The following CHODL variants were observed in gnomAD, a reference collection of about 807,000 sequenced individuals.
CHODL encodes the protein chondrolectin, also known as transmembrane protein MT75.
A neutral mutation model predicts 34.5 loss-of-function variants in CHODL; 29 were observed. That is an observed-to-expected ratio of 0.84 (90% CI 0.63 to 1.15). The LOEUF (loss-of-function observed/expected upper bound fraction) is 1.15, where lower values mean the gene tolerates loss of function less well. CHODL is among the 50% of genes most tolerant of loss of function. The pLI, the probability that CHODL is intolerant of heterozygous loss-of-function variation, is 0.00. For synonymous variants in CHODL, 125 were observed against 116.1 expected, an observed-to-expected ratio of 1.08 and a Z score of -0.49; for missense variants, 332 against 332.5, an observed-to-expected ratio of 1.00 and a Z score of 0.01.
At chr21:18,127,415 T>C (rs1444736328) in intron 2 of CHODL, among the ~76,000 whole-genome samples, 1 of 152,136 alleles carries the variant, frequency 6.6e-6, no homozygotes, top group Non-Finnish European at 1.5e-5. Flanking sequence ...ATGTGTGAGA[T>C]GAGCCTGGAT....
At chr21:17,946,820 G>T (rs2063413538) in intron 1 of CHODL, among the ~76,000 whole-genome samples, 1 of 152,082 alleles carries the variant, frequency 6.6e-6, no homozygotes, top group Non-Finnish European at 1.5e-5. Context: ...CTTATACGCA[G>T]TATATAGTTG....
chr21:17,928,294 AC>A (rs2146316747), intron 1 of CHODL, among the ~76,000 whole-genome samples: 1 of 152,318 alleles, frequency 6.6e-6, no homozygotes, highest in South Asian at 2.1e-4. Flanking sequence ...ACACATGAAA[AC>A]ATCACTAAAG....
chr21:18,042,274 C>G (rs924713764), intron 2 of CHODL, among the ~76,000 whole-genome samples: 1 of 151,728 alleles, frequency 6.6e-6, no homozygotes, highest in African/African-American at 2.4e-5. Context: ...GATGAATGGA[C>G]CCCCTTCTCC....
intron 2 of CHODL, among the ~76,000 whole-genome samples, chr21:18,232,629 G>T (rs144368720): frequency 2.6e-5 from 4 of 152,108 alleles, no homozygotes; most frequent in Non-Finnish European, 5.9e-5. Flanking sequence ...CAAACATTCA[G>T]ACGATAGCAG....
intron 2 of CHODL, among the ~76,000 whole-genome samples, chr21:18,161,787 A>T (rs565487570): frequency 9.9e-5 from 15 of 152,278 alleles, no homozygotes; most frequent in African/African-American, 3.6e-4. Context: ...TGAAACTTTC[A>T]TCAGAATTTA....
intron 2 of CHODL, among the ~76,000 whole-genome samples, chr21:18,187,331 T>A (rs1450552467): frequency 6.6e-6 from 1 of 152,162 alleles, no homozygotes; most frequent in Non-Finnish European, 1.5e-5. Context: ...CATCCTGGAC[T>A]GTATGTCCCA....
chr21:18,009,788 T>C lies in CHODL; in HGVS notation c.-144-18084T>C, dbSNP rs181222832. Among the ~76,000 whole-genome samples, 249 of 148,576 alleles carry C rather than the reference T, an allele frequency of 1.7e-3. 1 individual carries two copies. Among genetic ancestry groups the C allele is most frequent in the Non-Finnish European group, 3.0e-3 (205 of 67,704 alleles). On this transcript the variant is annotated intron_variant, in intron 1 of 6. Coordinates refer to the CHODL transcript ENST00000400127. The stretch of plus-strand genomic sequence containing the variant: ...CTGTAGTCCCAGCTACTCGGGAGGC[T>C]GAGACAGGAGAATGGCGTGAACCTG...
chr21:18,238,996 T>G (rs1233046469), intron 2 of CHODL, among the ~76,000 whole-genome samples: 1 of 152,158 alleles, frequency 6.6e-6, no homozygotes, highest in African/African-American at 2.4e-5. Flanking sequence ...GACTACCTTA[T>G]GAATTTTTGT....
intron 1 of CHODL, among the ~76,000 whole-genome samples, chr21:18,255,716 A>G (rs555624331): frequency 2.0e-5 from 3 of 152,052 alleles, no homozygotes; most frequent in Admixed American, 6.5e-5. Flanking sequence ...TTTTTAAAAA[A>G]GTACTTAATT....
chr21:18,054,644 A>C (rs1315571847), intron 2 of CHODL, among the ~76,000 whole-genome samples: 1 of 151,990 alleles, frequency 6.6e-6, no homozygotes, highest in Admixed American at 6.6e-5. Context: ...AAGGGTATGA[A>C]GTTTCAGTGA....
intron 2 of CHODL, among the ~76,000 whole-genome samples, chr21:18,210,755 C>G (rs1187833427): frequency 6.6e-6 from 1 of 152,178 alleles, no homozygotes; most frequent in African/African-American, 2.4e-5. Context: ...TAATCATGAA[C>G]TACTAAACAG....
At chr21:18,021,564 T>A (rs2064127893) in intron 1 of CHODL, among the ~76,000 whole-genome samples, 1 of 152,240 alleles carries the variant, frequency 6.6e-6, no homozygotes, top group South Asian at 2.1e-4. Context: ...ATAAATCATC[T>A]ACATATTTCT....
At chr21:18,097,526 C>G (rs2065154457) in intron 2 of CHODL, among the ~76,000 whole-genome samples, 1 of 151,906 alleles carries the variant, frequency 6.6e-6, no homozygotes, top group South Asian at 2.1e-4. Context: ...AGTGAAAGAT[C>G]TTTACAAATG....
intron 1 of CHODL, among the ~76,000 whole-genome samples, chr21:17,957,772 A>G (rs1600831776): frequency 6.6e-6 from 1 of 151,700 alleles, no homozygotes; most frequent in Non-Finnish European, 1.5e-5. Flanking sequence ...AGTGCAAATT[A>G]GTTCTCAAAT....
chr21:18,106,394 A>G (rs1326841049), intron 2 of CHODL, among the ~76,000 whole-genome samples: 1 of 152,224 alleles, frequency 6.6e-6, no homozygotes, highest in Non-Finnish European at 1.5e-5. Context: ...GTCACCAAAT[A>G]GCTCAGTGGT....
Position 18,260,247 on chromosome 21 carries a change from C to T in CHODL, c.595C>T (p.Pro199Ser), listed in dbSNP as rs745848499. ...AGAAAAGCCTTATCTTACAAATCAACCAGGAGACACCCATCAGAATGTGGT... is the reference window on the plus strand; with the variant it reads ...AGAAAAGCCTTATCTTACAAATCAATCAGGAGACACCCATCAGAATGTGGT... ...PVEKPYLTNQPGDTHQNVVVT... is the reference protein window; with the variant it reads ...PVEKPYLTNQSGDTHQNVVVT... The change falls in exon 4 of 6, where the codon CCA becomes TCA. Residue 199 changes from proline to serine, a missense_variant. Pro to Ser is a moderately conservative substitution (Grantham distance 74). Transcript: ENST00000299295. 10 of 1,582,190 alleles carry T rather than the reference C, an allele frequency of 6.3e-6. No individual in the cohort carries two copies. The highest frequency in any genetic ancestry group is 8.6e-6 in the Non-Finnish European group (10 of 1,167,266).
At chr21:18,041,269 G>A (rs1020172586) in intron 2 of CHODL, among the ~76,000 whole-genome samples, 1 of 151,922 alleles carries the variant, frequency 6.6e-6, no homozygotes, top group African/African-American at 2.4e-5. Context: ...TAGTGTTGGA[G>A]TCTTAACTGA....
intron 2 of CHODL, among the ~76,000 whole-genome samples, chr21:18,224,817 GT>G (rs200275649): frequency 7.4e-5 from 11 of 149,454 alleles, no homozygotes; most frequent in East Asian, 1.9e-4. Context: ...GATTATAGTA[GT>G]TTTTTTTTTC....
At chr21:17,930,664 C>A (rs566270087) in intron 1 of CHODL, among the ~76,000 whole-genome samples, 1 of 152,182 alleles carries the variant, frequency 6.6e-6, no homozygotes. Flanking sequence ...GTCCAGAGAG[C>A]CATTTAGGAA....
Sources: allele counts gnomAD v4.1 joint callset (sites outside exome capture counted in the v4.1 genomes callset), GRCh38; gene constraint gnomAD v4.1.1; transcripts MANE v1.5; gene names NCBI Gene and HGNC (gene_info 2026-07-23, HGNC 2026-07-21).